Variants in ADGRB3 observed in about 807,000 individuals in gnomAD.
ADGRB3 encodes the protein brain-specific angiogenesis inhibitor 3.
In ADGRB3, 37 loss-of-function variants were observed where a neutral mutation model predicts 193.4. That is an observed-to-expected ratio of 0.19 (90% confidence interval 0.15 to 0.25). The LOEUF (loss-of-function observed/expected upper bound fraction) is 0.25, where lower values mean the gene tolerates loss of function less well. Ranked by LOEUF, ADGRB3 falls within the 10% of genes least tolerant of loss-of-function variation. ADGRB3 has a pLI of 1.00. For synonymous variants in ADGRB3, 690 were observed against 644.2 expected, an observed-to-expected ratio of 1.07 and a Z score of -1.08; for missense variants, 1,637 against 1,852.9, an observed-to-expected ratio of 0.88 and a Z score of 2.14.
At chr6:69,138,742 G>A (rs1774224722) in intron 17 of ADGRB3, among the ~76,000 whole-genome samples, 1 of 152,066 alleles carries the variant, frequency 6.6e-6, no homozygotes, top group South Asian at 2.1e-4. Context: ...ATTATAATGA[G>A]AAATAAGAGT....
intron 20 of ADGRB3, among the ~76,000 whole-genome samples, chr6:69,318,279 T>G (rs188093360): frequency 2.5e-3 from 378 of 151,600 alleles, no homozygotes; most frequent in Non-Finnish European, 3.7e-3. Context: ...ATAACATTTT[T>G]TAAAATTATT....
At chr6:69,205,578 T>A (rs1189119810) in intron 17 of ADGRB3, among the ~76,000 whole-genome samples, 1 of 152,074 alleles carries the variant, frequency 6.6e-6, no homozygotes, top group Non-Finnish European at 1.5e-5. Context: ...GGCTGGGAAT[T>A]TCAAGAAAAT....
At chr6:69,142,424 T>C (rs1381291593) in intron 17 of ADGRB3, among the ~76,000 whole-genome samples, 2 of 152,178 alleles carry the variant, frequency 1.3e-5, no homozygotes, top group Non-Finnish European at 2.9e-5. Flanking sequence ...CATGGCCATT[T>C]AGTTTAGTTG....
chr6:69,040,350 T>TTTC (rs1491466909), intron 13 of ADGRB3, among the ~76,000 whole-genome samples: 2 of 54,712 alleles, frequency 3.7e-5, no homozygotes, highest in African/African-American at 1.1e-4. Flanking sequence ...TCTTTCTTTC[T>TTTC]TTCTTTCTTT....
At chr6:68,839,491 G>A (rs951512588) in intron 3 of ADGRB3, among the ~76,000 whole-genome samples, 2 of 152,186 alleles carry the variant, frequency 1.3e-5, no homozygotes, top group Admixed American at 6.5e-5. Context: ...AGTATCCAGA[G>A]ATAAGACTTT....
chr6:69,318,086 A>C (rs1012272549), intron 20 of ADGRB3, among the ~76,000 whole-genome samples: 2 of 151,228 alleles, frequency 1.3e-5, no homozygotes, highest in African/African-American at 4.8e-5. Context: ...CTTTTCTTGT[A>C]TTGTTTTCGT....
intron 20 of ADGRB3, among the ~76,000 whole-genome samples, chr6:69,245,260 C>T (rs1011967465): frequency 1.3e-5 from 2 of 152,008 alleles, no homozygotes; most frequent in East Asian, 1.9e-4. Flanking sequence ...CTGTAGCCCA[C>T]GTGATGGAAC....
At chr6:69,207,899 G>A (rs1765572847) in intron 17 of ADGRB3, among the ~76,000 whole-genome samples, 1 of 152,158 alleles carries the variant, frequency 6.6e-6, no homozygotes, top group Non-Finnish European at 1.5e-5. Flanking sequence ...GCACTGCATG[G>A]AGAATAGGCA....
At chr6:69,169,527 TAATTA>T (rs1315841339) in intron 17 of ADGRB3, among the ~76,000 whole-genome samples, 4 of 149,850 alleles carry the variant, frequency 2.7e-5, no homozygotes, top group Non-Finnish European at 5.9e-5. Context: ...ATAATTATCA[TAATTA>T]AATTATAATA....
At chr6:68,705,950 C>T (rs994637149) in intron 3 of ADGRB3, among the ~76,000 whole-genome samples, 2 of 151,980 alleles carry the variant, frequency 1.3e-5, no homozygotes. Flanking sequence ...AGGCAGGCCA[C>T]GGTGATCAGA....
intron 13 of ADGRB3, among the ~76,000 whole-genome samples, chr6:69,025,517 A>AT (rs1770406567): frequency 1.4e-5 from 2 of 143,022 alleles, no homozygotes; most frequent in Admixed American, 1.5e-4. Flanking sequence ...AAAATACACA[A>AT]TTTAACTTTT....
chr6:68,756,822 G>T (rs540875398), intron 3 of ADGRB3, among the ~76,000 whole-genome samples: 1 of 152,266 alleles, frequency 6.6e-6, no homozygotes, highest in East Asian at 1.9e-4. Context: ...GATTAAAATT[G>T]TTTACGTATA....
At chr6:69,210,295 G>A (rs1765635387) in intron 17 of ADGRB3, among the ~76,000 whole-genome samples, 1 of 151,264 alleles carries the variant, frequency 6.6e-6, no homozygotes, top group African/African-American at 2.4e-5. Context: ...GATGTTCAAG[G>A]GCAGGGAGCA....
chr6:69,144,564 T>G (rs1774427669), intron 17 of ADGRB3, among the ~76,000 whole-genome samples: 1 of 152,202 alleles, frequency 6.6e-6, no homozygotes, highest in Non-Finnish European at 1.5e-5. Context: ...ATGGGTTTTA[T>G]TATGTTGAGG....
chr6:68,853,909 A>G (rs1392905832), intron 3 of ADGRB3, among the ~76,000 whole-genome samples: 1 of 152,224 alleles, frequency 6.6e-6, no homozygotes, highest in Non-Finnish European at 1.5e-5. Flanking sequence ...CAAAGGAAGC[A>G]CTAAAATCCT....
intron 3 of ADGRB3, among the ~76,000 whole-genome samples, chr6:68,648,354 G>A (rs1048560348): frequency 6.6e-6 from 1 of 151,704 alleles, no homozygotes; most frequent in African/African-American, 2.4e-5. Flanking sequence ...TTACTGTTTG[G>A]TTTCTGTTTC....
intron 3 of ADGRB3, among the ~76,000 whole-genome samples, chr6:68,862,706 G>A (rs547932765): frequency 6.6e-6 from 1 of 152,124 alleles, no homozygotes; most frequent in African/African-American, 2.4e-5. Flanking sequence ...ATATATGAGA[G>A]ATTGTTCATA....
intron 3 of ADGRB3, among the ~76,000 whole-genome samples, chr6:68,867,310 G>A (rs1765324288): frequency 6.6e-6 from 1 of 152,210 alleles, no homozygotes. Context: ...TGGCTTCAGG[G>A]GGTTCCAGCC....
intron 3 of ADGRB3, among the ~76,000 whole-genome samples, chr6:68,782,371 A>G (rs531550578): frequency 9.9e-5 from 15 of 151,830 alleles, no homozygotes; most frequent in East Asian, 1.9e-4. Context: ...CCAGTCTATC[A>G]TTGTTGGACA....
Sources: allele counts gnomAD v4.1 joint callset (sites outside exome capture counted in the v4.1 genomes callset), GRCh38; gene constraint gnomAD v4.1.1; transcripts MANE v1.5; gene names NCBI Gene and HGNC (gene_info 2026-07-23, HGNC 2026-07-21).